CFAP299: variants seen among roughly 807,000 people sequenced by gnomAD.
CFAP299 encodes cilia and flagella associated protein 299, also known as cilia- and flagella-associated protein 299.
In CFAP299, 21 loss-of-function variants were observed where a neutral mutation model predicts 27.0. The ratio of observed to expected loss-of-function variants is 0.78; its 90% CI spans 0.55 to 1.12. The LOEUF (loss-of-function observed/expected upper bound fraction) is 1.12, where lower values mean the gene tolerates loss of function less well. Among genes scored for constraint, CFAP299 ranks in the 50% most tolerant of loss-of-function variants. The pLI is 0.00. For missense variants in CFAP299, 310 were observed against 276.6 expected, an observed-to-expected ratio of 1.12 and a Z score of -0.86; for synonymous variants, 104 against 98.1, an observed-to-expected ratio of 1.06 and a Z score of -0.36.
At chr4:80,494,501 G>A (rs1731332826) in intron 2 of CFAP299, among the ~76,000 whole-genome samples, 1 of 152,120 alleles carries the variant, frequency 6.6e-6, no homozygotes, top group Non-Finnish European at 1.5e-5. Flanking sequence ...AGTTATATTA[G>A]ACTCTAGATG....
At chr4:80,428,180 T>G (rs903392373) in intron 2 of CFAP299, among the ~76,000 whole-genome samples, 1 of 152,228 alleles carries the variant, frequency 6.6e-6, no homozygotes, top group African/African-American at 2.4e-5. Flanking sequence ...TTGGTATCTA[T>G]TCTGATGCTA....
At chr4:80,834,873 A>G (rs183147810) in intron 3 of CFAP299, among the ~76,000 whole-genome samples, 11 of 152,258 alleles carry the variant, frequency 7.2e-5, no homozygotes, top group Middle Eastern at 3.4e-3. Context: ...TCAACAGCAT[A>G]CTAACTCCAA....
intron 3 of CFAP299, among the ~76,000 whole-genome samples, chr4:80,664,738 G>A (rs902995991): frequency 6.6e-6 from 1 of 152,098 alleles, no homozygotes; most frequent in Admixed American, 6.5e-5. Flanking sequence ...GGGAGTGAAT[G>A]GTTCTGCCTG....
the CFAP299 span, among the ~76,000 whole-genome samples, chr4:80,327,690 T>TTTTATAGATATA: frequency 2.0e-5 from 1 of 51,242 alleles, no homozygotes; most frequent in African/African-American, 6.8e-5. Context: ...TAGAGAGAAG[T>TTTTATAGATATA]TATATATATA....
intron 2 of CFAP299, among the ~76,000 whole-genome samples, chr4:80,557,111 C>T (rs889084206): frequency 2.0e-5 from 3 of 152,038 alleles, no homozygotes. Context: ...CAAGAAAGTC[C>T]TGTTATTCCA....
chr4:80,626,677 A>T (rs574931877), intron 3 of CFAP299, among the ~76,000 whole-genome samples: 6 of 151,948 alleles, frequency 3.9e-5, no homozygotes, highest in African/African-American at 1.4e-4. Context: ...GGAAAAGGAG[A>T]TATTACAATT....
At chr4:80,396,791 C>T (rs567467746) in intron 2 of CFAP299, among the ~76,000 whole-genome samples, 6 of 152,258 alleles carry the variant, frequency 3.9e-5, no homozygotes, top group African/African-American at 1.4e-4. Context: ...CAGTATTTTA[C>T]TGAGGATTTT....
chr4:80,683,935 C>T (rs1720008774), intron 3 of CFAP299, among the ~76,000 whole-genome samples: 1 of 152,204 alleles, frequency 6.6e-6, no homozygotes, highest in East Asian at 1.9e-4. Flanking sequence ...TTTGAGTGTA[C>T]ATTTCTTCTA....
intron 4 of CFAP299, among the ~76,000 whole-genome samples, chr4:80,908,865 G>A (rs1735317316): frequency 6.6e-6 from 1 of 151,888 alleles, no homozygotes; most frequent in Non-Finnish European, 1.5e-5. Flanking sequence ...TAATCCAAAT[G>A]TTTGAAAATA....
intron 4 of CFAP299, among the ~76,000 whole-genome samples, chr4:80,938,988 C>A (rs958332271): frequency 6.6e-6 from 1 of 152,096 alleles, no homozygotes; most frequent in African/African-American, 2.4e-5. Flanking sequence ...GTTTTACTCT[C>A]TCCTGGCCCA....
chr4:80,933,464 T>C (rs1465593752), intron 4 of CFAP299, among the ~76,000 whole-genome samples: 2 of 152,170 alleles, frequency 1.3e-5, no homozygotes, highest in African/African-American at 4.8e-5. Flanking sequence ...GTGTCACAAA[T>C]GGCAGGATTT....
intron 2 of CFAP299, among the ~76,000 whole-genome samples, chr4:80,445,939 T>C (rs1173308723): frequency 2.0e-5 from 3 of 152,176 alleles, no homozygotes; most frequent in Non-Finnish European, 2.9e-5. Context: ...TGGTGTTGAA[T>C]TGGCCTCTTT....
chr4:80,586,951 C>A (rs530780493), intron 3 of CFAP299, among the ~76,000 whole-genome samples: 29 of 152,130 alleles, frequency 1.9e-4, no homozygotes, highest in Admixed American at 4.6e-4. Flanking sequence ...CCTTCAGAGT[C>A]ATTCAAAGAA....
At chr4:80,539,569 G>C (rs527969797) in intron 2 of CFAP299, among the ~76,000 whole-genome samples, 1 of 152,252 alleles carries the variant, frequency 6.6e-6, no homozygotes, top group Admixed American at 6.5e-5. Context: ...GGGTAGAGGT[G>C]ATACTGGCTT....
chr4:80,760,198 A>G (rs372938885), intron 3 of CFAP299, among the ~76,000 whole-genome samples: 7 of 152,264 alleles, frequency 4.6e-5, no homozygotes, highest in African/African-American at 1.4e-4. Context: ...TTAATATATG[A>G]AATAATATGA....
At chr4:80,616,291 A>T (rs549408145) in intron 3 of CFAP299, among the ~76,000 whole-genome samples, 1 of 152,078 alleles carries the variant, frequency 6.6e-6, no homozygotes, top group Non-Finnish European at 1.5e-5. Flanking sequence ...AGCTGAACTT[A>T]TTGGCTGTGT....
chr4:80,945,107 G>T (rs531597141), intron 5 of CFAP299, among the ~76,000 whole-genome samples, 168 bp downstream of exon 5: 9 of 152,298 alleles, frequency 5.9e-5, no homozygotes, highest in Admixed American at 2.0e-4. Context: ...ACACTGCATA[G>T]CTTCATAAAT....
chr4:80,350,759 A>T (rs1417028584), intron 1 of CFAP299, among the ~76,000 whole-genome samples: 3 of 152,058 alleles, frequency 2.0e-5, no homozygotes, highest in Non-Finnish European at 4.4e-5. Context: ...CACAGAGGGG[A>T]ATATTACACA....
chr4:80,683,473 C>T (rs979658523), intron 3 of CFAP299, among the ~76,000 whole-genome samples: 3 of 152,134 alleles, frequency 2.0e-5, no homozygotes, highest in Admixed American at 6.6e-5. Context: ...TATTTTATAA[C>T]ATAAAACTTA....
Sources: gnomAD v4.1 joint callset for allele counts (sites outside exome capture counted in the v4.1 genomes callset) on GRCh38, gnomAD v4.1.1 for gene constraint, MANE v1.5 for transcripts, NCBI Gene and HGNC (gene_info 2026-07-23, HGNC 2026-07-21) for gene names.